The following MAGI1 variants were observed in gnomAD, a reference collection of about 807,000 sequenced individuals.
MAGI1 encodes membrane associated guanylate kinase, WW and PDZ domain containing 1.
MAGI1 carries 58 observed loss-of-function variants against 139.9 expected under a neutral mutation model. That is an observed-to-expected ratio of 0.41 (90% CI 0.34 to 0.52). The LOEUF (loss-of-function observed/expected upper bound fraction) is 0.52. Ranked by LOEUF, MAGI1 falls within the 20% of genes least tolerant of loss-of-function variation. The pLI, the probability that MAGI1 is intolerant of heterozygous loss-of-function variation, is 0.12. For synonymous variants in MAGI1, 812 were observed against 737.9 expected, an observed-to-expected ratio of 1.10 and a Z score of -1.63; for missense variants, 1,874 against 1,901.6, an observed-to-expected ratio of 0.99 and a Z score of 0.27.
chr3:65,685,383 CCTTT>C (rs1405478361), intron 1 of MAGI1, among the ~76,000 whole-genome samples: 2 of 150,986 alleles, frequency 1.3e-5, no homozygotes, highest in Non-Finnish European at 2.9e-5. Context: ...ATTACACATA[CCTTT>C]ATTTGCATTT....
chr3:65,614,337 AG>A lies in MAGI1; in HGVS notation c.430+7634del, dbSNP rs571356745. On this transcript the variant is annotated intron_variant, in intron 2 of 22. Coordinates refer to ENST00000402939, the MANE Select transcript of MAGI1 (RefSeq NM_001033057.2). Reference sequence around the variant, plus strand: ...AATAGTACAAATGGCTGTAAAATGCAGTGGTTTAAGATAATAACTTTGGGGT... The same window carrying A: ...AATAGTACAAATGGCTGTAAAATGCATGGTTTAAGATAATAACTTTGGGGT... 3.4e-3 allele frequency among the ~76,000 whole-genome samples: 519 copies of A among 152,304 alleles called. 2 individuals are homozygous for A. The highest frequency in any genetic ancestry group is 0.012 in the African/African-American group (498 of 41,570).
chr3:65,596,435 C>T (rs981780697), intron 2 of MAGI1, among the ~76,000 whole-genome samples: 34 of 152,238 alleles, frequency 2.2e-4, no homozygotes, highest in African/African-American at 7.7e-4. Context: ...AGCACACACT[C>T]ATAAGTAGTC....
intron 1 of MAGI1, among the ~76,000 whole-genome samples, chr3:65,768,446 T>A (rs941424432): frequency 2.0e-5 from 3 of 152,128 alleles, no homozygotes; most frequent in East Asian, 3.9e-4. Context: ...TACTTAAGGA[T>A]ACTGGTGCCA....
chr3:66,027,907 T>A (rs2068376755), intron 1 of MAGI1, among the ~76,000 whole-genome samples: 1 of 152,154 alleles, frequency 6.6e-6, no homozygotes, highest in South Asian at 2.1e-4. Context: ...CAACCAAAAA[T>A]GGCTCCAGAC....
chr3:65,812,441 CTCTT>C (rs1358825912), intron 1 of MAGI1, among the ~76,000 whole-genome samples: 1 of 137,128 alleles, frequency 7.3e-6, no homozygotes, highest in African/African-American at 3.0e-5. Context: ...ATCTCTCTCT[CTCTT>C]TCTCTCTCTC....
chr3:65,869,569 T>G (rs2059862997), intron 1 of MAGI1, among the ~76,000 whole-genome samples: 1 of 151,338 alleles, frequency 6.6e-6, no homozygotes, highest in African/African-American at 2.4e-5. Context: ...CCCGGCTAAT[T>G]TTTTGTATTT....
At chr3:65,922,078 A>G (rs1400065975) in intron 1 of MAGI1, among the ~76,000 whole-genome samples, 1 of 152,166 alleles carries the variant, frequency 6.6e-6, no homozygotes, top group African/African-American at 2.4e-5. Flanking sequence ...GTTTATCTCC[A>G]TCACTCATTT....
At chr3:65,389,337 G>A (rs1285840466) in intron 14 of MAGI1, among the ~76,000 whole-genome samples, 5 of 152,034 alleles carry the variant, frequency 3.3e-5, no homozygotes, top group African/African-American at 9.7e-5. Context: ...TCTATTAAAC[G>A]GATGTTTTAC....
intron 1 of MAGI1, among the ~76,000 whole-genome samples, chr3:65,952,277 C>T (rs141287786): frequency 2.6e-5 from 4 of 152,276 alleles, no homozygotes; most frequent in African/African-American, 9.6e-5. Flanking sequence ...GTAATTTTGC[C>T]TTGGCTCATT....
intron 7 of MAGI1, among the ~76,000 whole-genome samples, chr3:65,444,602 C>A (rs917265474): frequency 6.6e-6 from 1 of 151,950 alleles, no homozygotes; most frequent in Non-Finnish European, 1.5e-5. Context: ...CTACTTTTTG[C>A]CCGAGGGTGT....
In MAGI1 at chr3:66,029,295, G is replaced by A. The variant is rs374097729; in HGVS notation, c.313+8701C>T. 1.1e-4 allele frequency among the ~76,000 whole-genome samples: 17 copies of A among 152,240 alleles called. No homozygotes were observed. The East Asian group carries it at 1.4e-3, about 12-fold the overall frequency. On this transcript the variant is annotated intron_variant, in intron 1 of 22. Coordinates refer to ENST00000402939, the MANE Select transcript of MAGI1 (RefSeq NM_001033057.2). ...GAAACATGGCTTATAATCAGGGCAC[G>A]ATCGCCTTTTAATTGCACCATCATG...
At chr3:65,901,160 C>A (rs756023830) in intron 1 of MAGI1, among the ~76,000 whole-genome samples, 1 of 152,132 alleles carries the variant, frequency 6.6e-6, no homozygotes, top group Non-Finnish European at 1.5e-5. Context: ...CAACGCAGAG[C>A]CCAACATAAA....
At chr3:65,861,661 A>G (rs1294616535) in intron 1 of MAGI1, among the ~76,000 whole-genome samples, 1 of 152,126 alleles carries the variant, frequency 6.6e-6, no homozygotes, top group Non-Finnish European at 1.5e-5. Context: ...CAGAGTGAGG[A>G]GCCACTTGAC....
rs150311417 is a variant in MAGI1, at chr3:66,000,517, C to T, written c.313+37479G>A. ...TAATCCCAACACATATACTGTGATG[C>T]TTCTACCTTGATTACTTACCAAGGG... On this transcript the variant is annotated intron_variant, in intron 1 of 22. Coordinates refer to ENST00000402939, the MANE Select transcript of MAGI1 (RefSeq NM_001033057.2). Among the ~76,000 whole-genome samples, 398 of 152,332 alleles carry T rather than the reference C, an allele frequency of 2.6e-3. 4 individuals are homozygous for T. Among genetic ancestry groups the T allele is most frequent in the African/African-American group, 8.7e-3 (363 of 41,572 alleles).
intron 1 of MAGI1, among the ~76,000 whole-genome samples, chr3:65,865,191 A>G (rs1458585360): frequency 1.3e-5 from 2 of 152,208 alleles, no homozygotes; most frequent in Non-Finnish European, 2.9e-5. Flanking sequence ...ATAAACTCAC[A>G]TTCTCTGCCC....
chr3:65,613,537 C>T (rs971992299), intron 2 of MAGI1, among the ~76,000 whole-genome samples: 2 of 152,120 alleles, frequency 1.3e-5, no homozygotes, highest in African/African-American at 4.8e-5. Flanking sequence ...TAAATCAAGT[C>T]CAGTGTTATG....
At chr3:65,848,056 G>A (rs2059069821) in intron 1 of MAGI1, among the ~76,000 whole-genome samples, 1 of 152,126 alleles carries the variant, frequency 6.6e-6, no homozygotes, top group Non-Finnish European at 1.5e-5. Flanking sequence ...CCCGATAGAA[G>A]AACAAAGGAG....
At chr3:65,962,464 TAC>T (rs765481911) in intron 1 of MAGI1, among the ~76,000 whole-genome samples, 4 of 152,134 alleles carry the variant, frequency 2.6e-5, no homozygotes, top group Non-Finnish European at 4.4e-5. Flanking sequence ...CTCCAGGAAC[TAC>T]ACACACAACA....
intron 1 of MAGI1, among the ~76,000 whole-genome samples, chr3:65,857,084 G>A (rs147512382): frequency 2.2e-3 from 331 of 152,256 alleles, no homozygotes; most frequent in African/African-American, 7.6e-3. Flanking sequence ...CACTGCACAC[G>A]CACAGGCTAC....
Sources: gnomAD v4.1 joint callset for allele counts (sites outside exome capture counted in the v4.1 genomes callset) on GRCh38, gnomAD v4.1.1 for gene constraint, MANE v1.5 for transcripts, NCBI Gene and HGNC (gene_info 2026-07-23, HGNC 2026-07-21) for gene names.